KLHL8: variants seen among roughly 807,000 people sequenced by gnomAD.
KLHL8 encodes the protein kelch like family member 8.
KLHL8 carries 38 observed loss-of-function variants against 63.5 expected under a neutral mutation model. That is an observed-to-expected ratio of 0.60 (90% CI 0.46 to 0.78). The LOEUF (loss-of-function observed/expected upper bound fraction) is 0.78. Among genes scored for constraint, KLHL8 ranks in the 30% least tolerant of loss-of-function variants. KLHL8 has a pLI of 0.00. For missense variants in KLHL8, 566 were observed against 752.4 expected (o/e 0.75, Z 2.90); for synonymous variants, 224 against 254.3 (o/e 0.88, Z 1.13).
At chr4:87,229,419 CTT>C (rs1299829511) in intron 1 of KLHL8, among the ~76,000 whole-genome samples, 137 of 120,286 alleles carry the variant, frequency 1.1e-3, no homozygotes, top group African/African-American at 1.6e-3. Flanking sequence ...TATCTTTTTC[CTT>C]TTTTTTTTTT....
chr4:87,205,836 T>A lies in KLHL8; in HGVS notation c.-151-10146A>T, dbSNP rs564923291. Among the ~76,000 whole-genome samples, 4 of 152,300 alleles carry A rather than the reference T, an allele frequency of 2.6e-5. No homozygotes were observed. The South Asian group carries it at 8.3e-4, about 32-fold the overall frequency. On this transcript the variant is annotated intron_variant, in intron 1 of 9. Coordinates refer to ENST00000273963, the MANE Select transcript of KLHL8 (RefSeq NM_020803.5). ...CTGAAGAAACTGAGGCACAGCAAGA[T>A]GGAGTGAAGCCCAAGTAAGTGGTGG...
chr4:87,214,459 T>TATATATATATAA (rs1191224013), intron 1 of KLHL8, among the ~76,000 whole-genome samples: 2 of 129,066 alleles, frequency 1.5e-5, no homozygotes, highest in African/African-American at 2.8e-5. Flanking sequence ...TATATATATA[T>TATATATATATAA]AATTGTCATC....
At position 87,160,929 on chromosome 4, in the gene KLHL8, T is replaced by C. The variant is rs1730135168; in HGVS notation, c.*2590A>G. On this transcript the variant is annotated 3_prime_UTR_variant, in exon 10 of 10. Coordinates refer to ENST00000273963, the MANE Select transcript of KLHL8 (RefSeq NM_020803.5). ...TTTCATCTCTTCATTTCTATGAATATAATCATCTTTCAGCTGCATGATTCC... is the reference window on the plus strand; with the variant it reads ...TTTCATCTCTTCATTTCTATGAATACAATCATCTTTCAGCTGCATGATTCC... 6.6e-6 allele frequency: 1 copy of C among 152,210 alleles called. No homozygotes were observed. The highest frequency in any genetic ancestry group is 2.4e-5 in the African/African-American group (1 of 41,454). The allele number at this position is 152,210 out of a possible 1,614,324, so 9.4% of individuals were successfully genotyped here. A position where few individuals can be genotyped will look rare whatever the true frequency, so the allele number is the denominator to read the frequency against.
In KLHL8 at chr4:87,195,467, G is replaced by A; in HGVS notation, c.73C>T (p.Gln25Ter). The A allele has an allele frequency of 6.2e-7, 1 of 1,613,876 alleles. No homozygotes were observed. Among genetic ancestry groups the A allele is most frequent in the Non-Finnish European group, 8.5e-7 (1 of 1,179,890 alleles). The stretch of plus-strand genomic sequence containing the variant: ...ATTGAGGATCTGTTCTTTATTTGCT[G>A]GTGCTGTTGTTGCCTTTTCCCCTTT... ...ITKGKRQQQH[Q>*]QIKNRSSISD... is the part of the protein sequence containing the mutation. The change falls in exon 2 of 10, where the codon CAG becomes TAG. Residue 25 changes from glutamine (Q) to a stop codon, truncating the protein, a stop_gained. Transcript: ENST00000273963. LOFTEE classifies it high-confidence loss of function.
chr4:87,234,544 T>C (rs1005104017), intron 1 of KLHL8, among the ~76,000 whole-genome samples: 1 of 152,166 alleles, frequency 6.6e-6, no homozygotes, highest in Non-Finnish European at 1.5e-5. Context: ...CATGTGCATA[T>C]TGTGATGTTG....
At chr4:87,204,101 G>C (rs915936001) in intron 1 of KLHL8, among the ~76,000 whole-genome samples, 1 of 152,172 alleles carries the variant, frequency 6.6e-6, no homozygotes, top group Non-Finnish European at 1.5e-5. Flanking sequence ...GTGTGCGCTT[G>C]TAGTCTCAGC....
At chr4:87,169,560 G>A (rs180691014) in intron 8 of KLHL8, among the ~76,000 whole-genome samples, 73 of 152,116 alleles carry the variant, frequency 4.8e-4, no homozygotes, top group Non-Finnish European at 1.0e-3. Flanking sequence ...CAAAAATTAT[G>A]AATGTGACCT....
At position 87,170,203 on chromosome 4, in the gene KLHL8, C is replaced by T. The variant is rs1035441776; in HGVS notation, c.1413G>A (p.Met471Ile). Residue 471 changes from methionine (M) to isoleucine (I), a missense_variant, in exon 8 of 10, where the codon ATG (methionine) becomes ATA (isoleucine). By Grantham distance (10) the Met-to-Ile change is conservative. Coordinates refer to ENST00000273963, the MANE Select transcript of KLHL8 (RefSeq NM_020803.5). ...HVYAVGGNDG[M>I]ASLSSVERYD... is the part of the protein sequence containing the mutation. ...ATCTCTCCACGCTAGATAAAGAAGC[C>T]ATTCCATCATTGCCACCTACTGCAT... 6.2e-7 allele frequency: 1 copy of T among 1,613,482 alleles called. No homozygotes were observed. Among genetic ancestry groups the T allele is most frequent in the Non-Finnish European group, 8.5e-7 (1 of 1,179,794 alleles).
intron 8 of KLHL8, among the ~76,000 whole-genome samples, chr4:87,166,074 G>A (rs1057074330): frequency 2.0e-5 from 3 of 152,228 alleles, no homozygotes; most frequent in African/African-American, 4.8e-5. Context: ...TAGCAATGAT[G>A]TAACATAAGA....
Position 87,160,492 on chromosome 4 carries a change from A to T in KLHL8, c.*3027T>A, listed in dbSNP as rs372684247. On this transcript the variant is annotated 3_prime_UTR_variant, in exon 10 of 10. Coordinates refer to ENST00000273963, the MANE Select transcript of KLHL8 (RefSeq NM_020803.5). ...TACAAGAATAGTTTATGCAATTTCA[A>T]GAAGTCCTTACCAAGGCATTCAACA... is the stretch of plus-strand genomic sequence containing the variant. The T allele has an allele frequency of 1.1e-4, 17 of 152,344 alleles. No homozygotes were observed. The highest frequency in any genetic ancestry group is 6.8e-3 in the Middle Eastern group (2 of 294). 9.4% of individuals were successfully genotyped at this position (152,344 alleles called of 1,614,324 possible).
intron 2 of KLHL8, among the ~76,000 whole-genome samples, chr4:87,189,426 TTTTG>T (rs1033116845): frequency 6.6e-6 from 1 of 152,210 alleles, no homozygotes; most frequent in African/African-American, 2.4e-5. Flanking sequence ...TTCCTTAGAC[TTTTG>T]TTTAAAAAGC....
intron 8 of KLHL8, among the ~76,000 whole-genome samples, chr4:87,167,924 T>G (rs919457794): frequency 1.3e-5 from 2 of 152,226 alleles, no homozygotes; most frequent in Admixed American, 1.3e-4. Context: ...TAGCCACACA[T>G]AGCAAAGACT....
intron 1 of KLHL8, chr4:87,219,884 C>G (rs1042618807): frequency 2.0e-5 from 3 of 152,196 alleles, no homozygotes; most frequent in Admixed American, 1.3e-4. Context: ...GTGCCTTCCT[C>G]GCCTCGTCCC....
chr4:87,161,041 C>CTTTTTTTTTTTT lies in KLHL8; in HGVS notation c.*2466_*2477dup, dbSNP rs71660119. The CTTTTTTTTTTTT allele has an allele frequency of 1.7e-5, 2 of 115,074 alleles. No individual in the cohort carries two copies. Among genetic ancestry groups the CTTTTTTTTTTTT allele is most frequent in the African/African-American group, 3.3e-5 (1 of 30,282 alleles). The allele number at this position is 115,074 out of a possible 1,614,324, so 7.1% of individuals were successfully genotyped here. A position where few individuals can be genotyped will look rare whatever the true frequency, so the allele number is the denominator to read the frequency against. Reference sequence around the variant, plus strand: ...GCACATATTGATTCTGCTTTTTTATCTTTTTTTTTTTTTTTTTTTTGAGAT... The same window carrying CTTTTTTTTTTTT: ...GCACATATTGATTCTGCTTTTTTATCTTTTTTTTTTTTTTTTTTTTTTTTTTTTTTTTGAGAT... On this transcript the variant is annotated 3_prime_UTR_variant, in exon 10 of 10. Transcript: ENST00000273963.
chr4:87,176,793 T>G lies in KLHL8; in HGVS notation c.1172A>C (p.Asn391Thr). The change falls in exon 6 of 10, where the codon AAT becomes ACT. Residue 391 changes from asparagine (N) to threonine (T), a missense_variant. By Grantham distance (65) the Asn-to-Thr change is moderately conservative (BLOSUM62 0). Transcript: ENST00000273963. ...GSMEMFDPLT[N>T]KWMMKASMNT... ...CATTGATGCCTTCATCATCCATTTA[T>G]TAGTGAGAGGATCAAACATCTCCAT... The G allele has an allele frequency of 6.2e-7, 1 of 1,605,230 alleles. No individual in the cohort carries two copies. Among genetic ancestry groups the G allele is most frequent in the Non-Finnish European group, 8.5e-7 (1 of 1,174,300 alleles).
In KLHL8 at chr4:87,184,350, T is replaced by C. The variant is rs568779016; in HGVS notation, c.765+901A>G. Among the ~76,000 whole-genome samples the C allele has an allele frequency of 6.4e-4, 97 of 152,342 alleles. 1 individual carries two copies. The highest frequency in any genetic ancestry group is 1.6e-3 in the Admixed American group (25 of 15,304). ...ATCATCATACTCTGAATAGGTTTAC[T>C]TCATCTGCCTATAAATATCTAAAAT... On this transcript the variant is annotated intron_variant, in intron 3 of 9. Coordinates refer to ENST00000273963, the MANE Select transcript of KLHL8 (RefSeq NM_020803.5).
chr4:87,224,713 C>T (rs891604815), upstream of KLHL8, among the ~76,000 whole-genome samples: 5 of 152,260 alleles, frequency 3.3e-5, no homozygotes, highest in East Asian at 1.9e-4. Context: ...AATCATTTCC[C>T]GCCTTTTATC....
chr4:87,195,830 A>C (rs1198144451), intron 1 of KLHL8, 140 bp from the exon 2 acceptor site: 2 of 258,802 alleles, frequency 7.7e-6, no homozygotes, highest in African/African-American at 4.5e-5. Context: ...TTTTATGCTA[A>C]ATAACACATA....
intron 1 of KLHL8, among the ~76,000 whole-genome samples, chr4:87,215,296 T>G (rs750438516): frequency 5.3e-5 from 8 of 152,234 alleles, no homozygotes; most frequent in Non-Finnish European, 1.2e-4. Context: ...TAGTGACTTA[T>G]CTTTTATATA....
Sources: allele counts gnomAD v4.1 joint callset (sites outside exome capture counted in the v4.1 genomes callset), GRCh38; gene constraint gnomAD v4.1.1; transcripts MANE v1.5; gene names NCBI Gene and HGNC (gene_info 2026-07-23, HGNC 2026-07-21).